Variants in PLCL2 observed in about 807,000 individuals in gnomAD.
PLCL2 encodes inactive phospholipase C-like protein 2.
In PLCL2, 4 loss-of-function variants were observed where a neutral mutation model predicts 79.6. The ratio of observed to expected loss-of-function variants is 0.05; its 90% CI spans 0.02 to 0.11. PLCL2 has a LOEUF of 0.11. Ranked by LOEUF, PLCL2 falls within the 10% of genes least tolerant of loss-of-function variation. PLCL2 has a pLI of 1.00. For synonymous variants in PLCL2, 484 were observed against 457.7 expected (o/e 1.06, Z -0.73); for missense variants, 895 against 1,291.0 (o/e 0.69, Z 4.70).
intron 1 of PLCL2, among the ~76,000 whole-genome samples, chr3:16,937,114 C>T (rs1559491311): frequency 6.6e-6 from 1 of 152,158 alleles, no homozygotes; most frequent in Non-Finnish European, 1.5e-5. Flanking sequence ...CAAATGTCCC[C>T]TCAGGAGCAG....
chr3:16,957,542 G>T lies in PLCL2; in HGVS notation c.328-52132G>T, dbSNP rs2063717730. ...TGGACAGTTCTGTAGATGTCTGTTA[G>T]GTCTGCTTGGTGCAGAGCTGAGTTC... On this transcript the variant is annotated intron_variant, in intron 1 of 5. Transcript: ENST00000615277. 3.9e-5 allele frequency among the ~76,000 whole-genome samples: 6 copies of T among 152,256 alleles called. No individual in the cohort carries two copies. In the South Asian group the frequency reaches 1.2e-3, roughly 32 times the overall value.
chr3:17,053,118 A>C (rs1243686039), intron 4 of PLCL2, among the ~76,000 whole-genome samples: 2 of 152,178 alleles, frequency 1.3e-5, no homozygotes, highest in African/African-American at 4.8e-5. Context: ...TCGTACTGCT[A>C]TAAAGAAATA....
At chr3:17,085,836 A>C (rs995952991) in intron 5 of PLCL2, among the ~76,000 whole-genome samples, 4 of 152,236 alleles carry the variant, frequency 2.6e-5, no homozygotes, top group African/African-American at 9.6e-5. Context: ...CCAGAAATAA[A>C]ATATTCAGGT....
At chr3:17,050,447 GA>G (rs1401014315) in intron 4 of PLCL2, among the ~76,000 whole-genome samples, 1 of 151,950 alleles carries the variant, frequency 6.6e-6, no homozygotes, top group Admixed American at 6.6e-5. Flanking sequence ...AACTCTGTAG[GA>G]AAAAAAGTCT....
intron 1 of PLCL2, among the ~76,000 whole-genome samples, chr3:16,917,200 T>C (rs1697017792): frequency 6.6e-6 from 1 of 152,194 alleles, no homozygotes; most frequent in Non-Finnish European, 1.5e-5. Flanking sequence ...ATTAGAGTCA[T>C]GTCTGAAGGA....
chr3:16,983,992 A>G (rs1474942097), intron 1 of PLCL2, among the ~76,000 whole-genome samples: 2 of 152,224 alleles, frequency 1.3e-5, no homozygotes, highest in African/African-American at 4.8e-5. Flanking sequence ...AATATGAAAG[A>G]TATTTATTTT....
chr3:17,001,683 G>C (rs2064212754), intron 1 of PLCL2, among the ~76,000 whole-genome samples: 1 of 151,972 alleles, frequency 6.6e-6, no homozygotes, highest in Non-Finnish European at 1.5e-5. Flanking sequence ...ATTTATTTCT[G>C]GGTTCTCTGT....
intron 1 of PLCL2, among the ~76,000 whole-genome samples, chr3:17,008,579 A>G (rs1189822813): frequency 6.6e-6 from 1 of 152,008 alleles, no homozygotes; most frequent in Admixed American, 6.5e-5. Context: ...GTAACCAGGT[A>G]ACCCAGATGA....
chr3:17,011,766 A>T lies in PLCL2; in HGVS notation c.2420A>T (p.Asp807Val). Residue 807 changes from aspartate (D) to valine (V), a missense_variant, in exon 2 of 6, where the codon GAC (aspartate) becomes GTC (valine). Physicochemically the swap from Asp to Val is radical, Grantham distance 152. Coordinates refer to ENST00000615277, the MANE Select transcript of PLCL2 (RefSeq NM_001144382.2). This position sits in a 1 kb window ranked among gnomAD's most constrained non-coding sequence, Gnocchi z 7.9. The part of the protein sequence containing the change: ...QRTKTVHQNG[D>V]APIFDESFEF... ...ACAAAAACAGTGCACCAGAATGGAG[A>T]CGCTCCCATTTTTGATGAAAGCTTT... 1 of 1,614,174 alleles carries T rather than the reference A, an allele frequency of 6.2e-7. No individual in the cohort carries two copies. The highest frequency in any genetic ancestry group is 8.5e-7 in the Non-Finnish European group (1 of 1,180,024).
In PLCL2 at chr3:17,049,018, TAAAAAAAAAGAAAAGAAA is replaced by T. The variant is rs879715379; in HGVS notation, c.3094+6071_3094+6088del. ...AAGAAATCCAGCATAAGGACTGTTCTAAAAAAAAAGAAAAGAAAATTCATGAAGCTATTTTTGCAGCCA... is the reference window on the plus strand; with the variant it reads ...AAGAAATCCAGCATAAGGACTGTTCTATTCATGAAGCTATTTTTGCAGCCA... On this transcript the variant is annotated intron_variant, in intron 4 of 5. Transcript: ENST00000615277. Among the ~76,000 whole-genome samples, 92 of 150,974 alleles carry T rather than the reference TAAAAAAAAAGAAAAGAAA, an allele frequency of 6.1e-4. No individual in the cohort carries two copies. In the South Asian group the frequency reaches 7.8e-3, roughly 13 times the overall value.
At chr3:16,965,646 T>A (rs1486551233) in intron 1 of PLCL2, among the ~76,000 whole-genome samples, 3 of 152,074 alleles carry the variant, frequency 2.0e-5, no homozygotes, top group African/African-American at 7.2e-5. Flanking sequence ...ATTCTTCCTA[T>A]CCATGAGCAT....
At chr3:16,951,516 C>T (rs1158574380) in intron 1 of PLCL2, among the ~76,000 whole-genome samples, 2 of 151,958 alleles carry the variant, frequency 1.3e-5, no homozygotes, top group Non-Finnish European at 2.9e-5. Context: ...ATTTCTCATT[C>T]ATCTTTTTAT....
At chr3:16,978,167 T>G (rs1215631234) in intron 1 of PLCL2, among the ~76,000 whole-genome samples, 1 of 152,390 alleles carries the variant, frequency 6.6e-6, no homozygotes, top group African/African-American at 2.4e-5. Flanking sequence ...CTGGACTGTC[T>G]TAAAGTTTGC....
intron 3 of PLCL2, among the ~76,000 whole-genome samples, chr3:17,030,952 T>A (rs1228599221): frequency 6.6e-6 from 1 of 151,922 alleles, no homozygotes; most frequent in Non-Finnish European, 1.5e-5. Context: ...GGTACTATGT[T>A]TAATTCAAAT....
chr3:16,958,710 TCTGA>T (rs2063728465), intron 1 of PLCL2, among the ~76,000 whole-genome samples: 1 of 152,230 alleles, frequency 6.6e-6, no homozygotes, highest in Non-Finnish European at 1.5e-5. Flanking sequence ...TTAGATTTTA[TCTGA>T]CTCTCTTTTC....
At chr3:16,983,551 T>C (rs186286709) in intron 1 of PLCL2, among the ~76,000 whole-genome samples, 1 of 152,206 alleles carries the variant, frequency 6.6e-6, no homozygotes, top group East Asian at 1.9e-4. Flanking sequence ...GCACCTGTAA[T>C]CCCAGCTACT....
intron 1 of PLCL2, among the ~76,000 whole-genome samples, chr3:16,950,947 C>A (rs1471525954): frequency 2.0e-5 from 3 of 151,932 alleles, no homozygotes; most frequent in African/African-American, 4.8e-5. Context: ...TTTGGATGAT[C>A]TATGGTTTTC....
At chr3:17,024,715 G>A (rs895158254) in intron 3 of PLCL2, among the ~76,000 whole-genome samples, 6 of 152,304 alleles carry the variant, frequency 3.9e-5, no homozygotes, top group African/African-American at 1.2e-4. Context: ...ATGAAGACTA[G>A]CTGACCTAGA....
chr3:16,890,434 T>G (rs1696319206), intron 1 of PLCL2, among the ~76,000 whole-genome samples: 2 of 152,270 alleles, frequency 1.3e-5, no homozygotes. Flanking sequence ...GTTATTTACT[T>G]TATTTTTTTA....
Sources: allele counts gnomAD v4.1 joint callset (sites outside exome capture counted in the v4.1 genomes callset), GRCh38; gene constraint gnomAD v4.1.1; non-coding constraint Gnocchi (gnomAD v3.1); transcripts MANE v1.5; gene names NCBI Gene and HGNC (gene_info 2026-07-23, HGNC 2026-07-21).